The following NDUFA10 variants were observed in gnomAD, a reference collection of about 807,000 sequenced individuals.
The protein encoded by NDUFA10 is NADH:ubiquinone oxidoreductase subunit A10, also known as NADH dehydrogenase [ubiquinone] 1 alpha subcomplex subunit 10, mitochondrial.
Under a neutral mutation model 47.8 loss-of-function variants are expected in NDUFA10, and 40 were observed. The observed-to-expected ratio is 0.84, with a 90% confidence interval of 0.65 to 1.09. NDUFA10 has a LOEUF of 1.09. Among genes scored for constraint, NDUFA10 ranks in the 50% least tolerant of loss-of-function variants. NDUFA10 has a pLI of 0.00. For synonymous variants in NDUFA10, 183 were observed against 172.2 expected, an observed-to-expected ratio of 1.06 and a Z score of -0.49; for missense variants, 413 against 451.1, an observed-to-expected ratio of 0.92 and a Z score of 0.76.
chr2:239,978,722 G>A (rs554639663), intron 9 of NDUFA10, among the ~76,000 whole-genome samples: 12 of 152,268 alleles, frequency 7.9e-5, no homozygotes, highest in African/African-American at 2.4e-4. Flanking sequence ...AAAACTACGC[G>A]TCTGAAAAGG....
downstream of NDUFA10, among the ~76,000 whole-genome samples, chr2:239,953,064 G>A (rs941001437): frequency 6.6e-6 from 1 of 152,196 alleles, no homozygotes; most frequent in East Asian, 1.9e-4. Context: ...GGGCCCCAAG[G>A]ACAGCCGCAT....
At chr2:239,897,640 G>A (rs1292588522) in intron 4 of NDUFA10, among the ~76,000 whole-genome samples, 3 of 152,192 alleles carry the variant, frequency 2.0e-5, no homozygotes, top group Non-Finnish European at 4.4e-5. Flanking sequence ...CCGGATTCCA[G>A]GCCGGCAGCT....
intron 5 of NDUFA10, among the ~76,000 whole-genome samples, chr2:239,894,470 C>T (rs1458493165): frequency 6.6e-6 from 1 of 152,098 alleles, no homozygotes; most frequent in Non-Finnish European, 1.5e-5. Flanking sequence ...TTGCAAGTTT[C>T]CTGCCACCTC....
intron 4 of NDUFA10, among the ~76,000 whole-genome samples, chr2:239,909,541 A>T (rs1458469396): frequency 6.6e-6 from 1 of 152,186 alleles, no homozygotes; most frequent in Non-Finnish European, 1.5e-5. Context: ...TGAACCCAGG[A>T]GGCAGAGGTT....
chr2:239,910,467 C>A (rs1693731784), intron 4 of NDUFA10, among the ~76,000 whole-genome samples: 1 of 152,092 alleles, frequency 6.6e-6, no homozygotes, highest in Non-Finnish European at 1.5e-5. Flanking sequence ...AATGCAGGAA[C>A]AGAAAACCAA....
chr2:240,011,771 C>T, intron 5 of NDUFA10, 75 bp from the exon 6 acceptor site: 8 of 1,300,536 alleles, frequency 6.2e-6, no homozygotes, highest in African/African-American at 2.9e-5. Flanking sequence ...ATATAAAATG[C>T]GAAGACAATC....
At chr2:240,023,240 A>G (rs1697711215) in intron 1 of NDUFA10, among the ~76,000 whole-genome samples, 2 of 152,266 alleles carry the variant, frequency 1.3e-5, no homozygotes, top group Admixed American at 6.5e-5. Context: ...TACTATATAC[A>G]GAAATTGTAC....
At chr2:239,894,961 G>A (rs933818930) in intron 5 of NDUFA10, among the ~76,000 whole-genome samples, 2 of 152,062 alleles carry the variant, frequency 1.3e-5, no homozygotes, top group African/African-American at 4.8e-5. Flanking sequence ...CCTTCTTCAG[G>A]AAGCAGCTCA....
intron 6 of NDUFA10, among the ~76,000 whole-genome samples, chr2:240,008,023 A>C (rs1215230383): frequency 6.6e-6 from 1 of 152,208 alleles, no homozygotes; most frequent in Non-Finnish European, 1.5e-5. Context: ...GACCCCTACA[A>C]TGGTACCAAA....
chr2:239,990,437 G>A (rs553831466), intron 8 of NDUFA10, among the ~76,000 whole-genome samples: 10 of 152,294 alleles, frequency 6.6e-5, no homozygotes, highest in East Asian at 3.9e-4. Flanking sequence ...TACATAGGAC[G>A]ACCTTCTGGG....
In NDUFA10 at chr2:239,945,275, G is replaced by GCGCCAT. The variant is rs1694429950; in HGVS notation, c.294+44793_294+44798dup. ...CTTCATTTGCACAACCGCAGCGGCA[G>GCGCCAT]CGCCATCATTCCTCCTGCTTTGCAG... On this transcript the variant is annotated intron_variant, in intron 4 of 5. Transcript: ENST00000419408. This position sits in a 1 kb window ranked among gnomAD's most constrained non-coding sequence, Gnocchi z 4.6. 6.6e-6 allele frequency among the ~76,000 whole-genome samples: 1 copy of GCGCCAT among 152,228 alleles called. No homozygotes were observed. Among genetic ancestry groups the GCGCCAT allele is most frequent in the Non-Finnish European group, 1.5e-5 (1 of 68,044 alleles).
At chr2:239,981,611 A>C (rs1695778081) in intron 9 of NDUFA10, among the ~76,000 whole-genome samples, 1 of 152,176 alleles carries the variant, frequency 6.6e-6, no homozygotes, top group Non-Finnish European at 1.5e-5. Flanking sequence ...CTAAAGAATA[A>C]AGGTCAAAGC....
chr2:239,927,354 A>G (rs1366040321), intron 4 of NDUFA10, among the ~76,000 whole-genome samples: 1 of 152,212 alleles, frequency 6.6e-6, no homozygotes, highest in Non-Finnish European at 1.5e-5. Context: ...GAAGTAAAAG[A>G]CTTAGAGTAA....
chr2:240,010,455 T>C (rs1697096954), intron 6 of NDUFA10, among the ~76,000 whole-genome samples: 2 of 152,198 alleles, frequency 1.3e-5, no homozygotes, highest in African/African-American at 4.8e-5. Flanking sequence ...AGTGATGTTT[T>C]TGAAGCCAGA....
chr2:239,987,051 A>C lies in NDUFA10; in HGVS notation c.999+3023T>G, dbSNP rs1696030107. ...AACTGATCCAGATTCAAAGAGATGT[A>C]GCAGAGGAAACAATTCAATGCAGGC... On this transcript the variant is annotated intron_variant, in intron 9 of 9. Transcript: ENST00000252711. The surrounding 1 kb of genome is among the most constrained non-coding windows in gnomAD (Gnocchi z 4.8). Among the ~76,000 whole-genome samples, 1 of 152,214 alleles carries C rather than the reference A, an allele frequency of 6.6e-6. No individual in the cohort carries two copies. The highest frequency in any genetic ancestry group is 2.4e-5 in the African/African-American group (1 of 41,454).
chr2:239,961,078 G>GGCCATCACTGAA lies in NDUFA10; in HGVS notation c.*39_*40insTTCAGTGATGGC. ...CAGGAGAGTGCGGCTGATGCAGCTT[G>GGCCATCACTGAA]GCCATCACTGTGATGCAGCTGGAGC... On this transcript the variant is annotated 3_prime_UTR_variant, in exon 10 of 10. Transcript: ENST00000252711. 1.2e-6 allele frequency: 2 copies of GGCCATCACTGAA among 1,613,628 alleles called. No homozygotes were observed. The highest frequency in any genetic ancestry group is 2.2e-5 in the South Asian group (2 of 91,018).
At chr2:240,020,948 T>G in intron 3 of NDUFA10, 1 of 581,002 alleles carries the variant, frequency 1.7e-6, no homozygotes, top group Non-Finnish European at 3.1e-6. Flanking sequence ...TATAGAAGCT[T>G]AAAGTAGTGC....
intron 8 of NDUFA10, among the ~76,000 whole-genome samples, chr2:239,993,998 A>G (rs1331089362): frequency 6.6e-6 from 1 of 152,058 alleles, no homozygotes; most frequent in East Asian, 1.9e-4. Context: ...CCACACAGTC[A>G]CACAACCTTG....
intron 8 of NDUFA10, among the ~76,000 whole-genome samples, chr2:239,993,790 T>A (rs911025479): frequency 6.6e-6 from 1 of 151,928 alleles, no homozygotes. Flanking sequence ...GGTGTGACTT[T>A]GGGGAGGATA....
Sources: gnomAD v4.1 joint callset for allele counts (sites outside exome capture counted in the v4.1 genomes callset) on GRCh38, gnomAD v4.1.1 for gene constraint, Gnocchi (gnomAD v3.1) non-coding constraint, MANE v1.5 for transcripts, NCBI Gene and HGNC (gene_info 2026-07-23, HGNC 2026-07-21) for gene names.